SYN3: variants seen among roughly 807,000 people sequenced by gnomAD.
SYN3 encodes the protein synapsin-3.
Under a neutral mutation model 65.8 loss-of-function variants are expected in SYN3, and 35 were observed. The ratio of observed to expected loss-of-function variants is 0.53; its 90% confidence interval spans 0.41 to 0.70. SYN3 has a LOEUF of 0.70. Ranked by LOEUF, SYN3 falls within the 30% of genes least tolerant of loss-of-function variation. The pLI is 0.00. For synonymous variants in SYN3, 270 were observed against 292.9 expected (o/e 0.92, Z 0.80); for missense variants, 680 against 749.0 (o/e 0.91, Z 1.08).
At chr22:32,541,431 C>G in intron 8 of SYN3, 140 bp downstream of exon 8, 1 of 1,091,756 alleles carries the variant, frequency 9.2e-7, no homozygotes, top group Non-Finnish European at 1.3e-6. Flanking sequence ...CCCTCAGCCA[C>G]ACTGGACAGA....
At chr22:32,661,302 G>A (rs2060212916) in intron 6 of SYN3, among the ~76,000 whole-genome samples, 1 of 152,210 alleles carries the variant, frequency 6.6e-6, no homozygotes, top group South Asian at 2.1e-4. Flanking sequence ...GAGGAAGGCA[G>A]TCAGAACCAC....
intron 6 of SYN3, among the ~76,000 whole-genome samples, chr22:32,851,682 C>T (rs1403594595): frequency 2.0e-5 from 3 of 152,284 alleles, no homozygotes; most frequent in Admixed American, 2.0e-4. Flanking sequence ...AAGGGCAGAT[C>T]TGATCCCCAA....
At chr22:32,917,643 G>A (rs1283690177) in intron 4 of SYN3, among the ~76,000 whole-genome samples, 1 of 152,204 alleles carries the variant, frequency 6.6e-6, no homozygotes, top group African/African-American at 2.4e-5. Flanking sequence ...AAGTGCACAG[G>A]GTCAGCGGGG....
At chr22:32,570,593 G>A (rs1261035936) in intron 7 of SYN3, among the ~76,000 whole-genome samples, 1 of 151,974 alleles carries the variant, frequency 6.6e-6, no homozygotes, top group Non-Finnish European at 1.5e-5. Flanking sequence ...GGGAGAGGGT[G>A]GGGTGCTGAG....
intron 3 of SYN3, among the ~76,000 whole-genome samples, chr22:32,938,275 T>G (rs999762686): frequency 6.6e-6 from 1 of 152,090 alleles, no homozygotes; most frequent in African/African-American, 2.4e-5. Flanking sequence ...ACGCCTGTAA[T>G]CCCAGCACTT....
intron 2 of SYN3, among the ~76,000 whole-genome samples, chr22:32,988,343 T>C (rs932726338): frequency 3.7e-5 from 5 of 135,674 alleles, no homozygotes; most frequent in Admixed American, 1.5e-4. Flanking sequence ...ATAATAATAA[T>C]AATAAAATAA....
chr22:32,977,461 A>G (rs1217216754), intron 3 of SYN3, among the ~76,000 whole-genome samples: 1 of 152,180 alleles, frequency 6.6e-6, no homozygotes, highest in Admixed American at 6.5e-5. Context: ...GGGGAGATTA[A>G]GAAGTGGTAG....
intron 1 of SYN3, among the ~76,000 whole-genome samples, chr22:33,020,307 A>T (rs1011836564): frequency 2.6e-4 from 39 of 152,166 alleles, no homozygotes; most frequent in African/African-American, 8.9e-4. Flanking sequence ...CATCTTCCTC[A>T]CTTCTTCTTC....
At chr22:32,904,741 G>A (rs2049856383) in intron 4 of SYN3, among the ~76,000 whole-genome samples, 1 of 152,128 alleles carries the variant, frequency 6.6e-6, no homozygotes, top group South Asian at 2.1e-4. Flanking sequence ...CGCAACACTT[G>A]GACTGTGGAC....
At chr22:32,965,547 T>C (rs999901278) in intron 3 of SYN3, among the ~76,000 whole-genome samples, 563 of 38,702 alleles carry the variant, frequency 0.015, 3 homozygotes, top group Admixed American at 0.024. Flanking sequence ...TGCGTACGTG[T>C]GTGTGTGTGT....
intron 6 of SYN3, among the ~76,000 whole-genome samples, chr22:32,775,226 A>C (rs117822824): frequency 1.3e-5 from 2 of 151,882 alleles, no homozygotes; most frequent in African/African-American, 4.8e-5. Context: ...AGTTCTCTAG[A>C]GTTTCTTCTT....
chr22:32,948,285 A>T (rs2146805474), intron 3 of SYN3, among the ~76,000 whole-genome samples: 1 of 152,276 alleles, frequency 6.6e-6, no homozygotes, highest in East Asian at 1.9e-4. Flanking sequence ...CATAGGTTCC[A>T]GGGACTAGGG....
intron 4 of SYN3, among the ~76,000 whole-genome samples, chr22:32,892,569 GGA>G (rs2146483026): frequency 6.6e-6 from 1 of 152,292 alleles, no homozygotes; most frequent in Admixed American, 6.5e-5. Flanking sequence ...TACCAGCATG[GGA>G]GAGAGAGATG....
chr22:32,952,712 A>G (rs2051329041), intron 3 of SYN3, among the ~76,000 whole-genome samples: 1 of 152,212 alleles, frequency 6.6e-6, no homozygotes, highest in South Asian at 2.1e-4. Context: ...CTATGATTGC[A>G]CCATCGCCCT....
chr22:32,993,543 A>G (rs751218905), intron 2 of SYN3, among the ~76,000 whole-genome samples: 2 of 152,116 alleles, frequency 1.3e-5, no homozygotes, highest in Non-Finnish European at 2.9e-5. Flanking sequence ...ATGGGGTTTC[A>G]CCATATTGGC....
intron 4 of SYN3, among the ~76,000 whole-genome samples, chr22:32,901,195 G>A (rs964448456): frequency 2.0e-5 from 3 of 152,218 alleles, no homozygotes; most frequent in Admixed American, 6.5e-5. Context: ...ACACAGTTGC[G>A]TGTGACAAAG....
chr22:32,630,142 C>A (rs1045735517), intron 6 of SYN3, among the ~76,000 whole-genome samples: 10 of 151,960 alleles, frequency 6.6e-5, no homozygotes, highest in African/African-American at 2.4e-4. Context: ...CACCACCATG[C>A]CCAGCTAATT....
At chr22:32,747,986 C>A (rs917683416) in intron 6 of SYN3, among the ~76,000 whole-genome samples, 2 of 152,226 alleles carry the variant, frequency 1.3e-5, no homozygotes, top group Non-Finnish European at 2.9e-5. Flanking sequence ...GAGCTCATCA[C>A]CAAGAGTCCA....
At chr22:32,612,678 T>C (rs1053428789) in intron 6 of SYN3, among the ~76,000 whole-genome samples, 17 of 151,672 alleles carry the variant, frequency 1.1e-4, no homozygotes, top group South Asian at 6.3e-4. Flanking sequence ...CTTGTCTCTA[T>C]AAAAGAAAAA....
Sources: gnomAD v4.1 joint callset for allele counts (sites outside exome capture counted in the v4.1 genomes callset) on GRCh38, gnomAD v4.1.1 for gene constraint, MANE v1.5 for transcripts, NCBI Gene and HGNC (gene_info 2026-07-23, HGNC 2026-07-21) for gene names.